The following PRDM15 variants were observed in gnomAD, a reference collection of about 807,000 sequenced individuals.
The protein encoded by PRDM15 is PR/SET domain 15.
Under a neutral mutation model 128.6 loss-of-function variants are expected in PRDM15, and 64 were observed. That is an observed-to-expected ratio of 0.50 (90% confidence interval 0.41 to 0.61). The LOEUF (loss-of-function observed/expected upper bound fraction) is 0.61, where lower values mean the gene tolerates loss of function less well. Among genes scored for constraint, PRDM15 ranks in the 20% least tolerant of loss-of-function variants. The probability of loss-of-function intolerance (pLI) is 0.00; values close to 1 mark genes in which losing one functional copy is unlikely to be tolerated. For missense variants in PRDM15, 1,242 were observed against 1,569.1 expected (o/e 0.79, Z 3.52); for synonymous variants, 615 against 621.8 (o/e 0.99, Z 0.16).
chr21:41,818,571 G>A (rs1044335046), intron 18 of PRDM15, among the ~76,000 whole-genome samples: 1 of 152,196 alleles, frequency 6.6e-6, no homozygotes, highest in African/African-American at 2.4e-5. Flanking sequence ...GGAAAGGAAA[G>A]ACCCCCTTTC....
chr21:41,804,041 T>C (rs897284025), intron 22 of PRDM15, among the ~76,000 whole-genome samples: 18 of 151,646 alleles, frequency 1.2e-4, no homozygotes, highest in African/African-American at 4.4e-4. Context: ...CTCGGCTCAT[T>C]GCAACCTCCG....
In PRDM15 at chr21:41,859,206, C is replaced by G; in HGVS notation, c.131+386G>C. The G allele has an allele frequency of 6.2e-7, 1 of 1,613,928 alleles. No homozygotes were observed. The highest frequency in any genetic ancestry group is 8.5e-7 in the Non-Finnish European group (1 of 1,179,982). On this transcript the variant is annotated intron_variant, in intron 3 of 23. Transcript: ENST00000398548. The surrounding 1 kb of genome is among the most constrained non-coding windows in gnomAD (Gnocchi z 5.3). ...ATCCCCTGCCCCGCCTGGGTGTGCA[C>G]GTGTCCGCTGGCAGGCCAAGACCTG...
chr21:41,806,331 C>T (rs199643495), intron 21 of PRDM15, among the ~76,000 whole-genome samples: 1 of 10,876 alleles, frequency 9.2e-5, no homozygotes, highest in Non-Finnish European at 1.9e-4. Context: ...ACCACCACCA[C>T]CATCACCATC....
At chr21:41,822,832 C>A (rs2062327278) in intron 14 of PRDM15, among the ~76,000 whole-genome samples, 2 of 151,980 alleles carry the variant, frequency 1.3e-5, no homozygotes, top group Admixed American at 1.3e-4. Flanking sequence ...GTCAGGAGTT[C>A]AAGACCAGCC....
intron 2 of PRDM15, 85 bp downstream of exon 2, chr21:41,860,242 T>C (rs534222875): frequency 6.3e-4 from 634 of 1,004,918 alleles, no homozygotes; most frequent in Non-Finnish European, 8.3e-4. Context: ...GACGTGGCTT[T>C]GCCCAGACAG....
At chr21:41,834,527 G>A in intron 11 of PRDM15, 2 of 1,550,332 alleles carry the variant, frequency 1.3e-6, no homozygotes, top group Non-Finnish European at 1.7e-6. Context: ...TAAGCCGACT[G>A]CCGCCGGGCC....
rs1163139266 is a variant in PRDM15, at chr21:41,818,751, G to A, written c.2260+831C>T. ...TGAAACAGCCCAAGACAAACCTGCTGCTCCAAAACTTTTAGGAAGTTGTTT... is the reference window on the plus strand; with the variant it reads ...TGAAACAGCCCAAGACAAACCTGCTACTCCAAAACTTTTAGGAAGTTGTTT... On this transcript the variant is annotated intron_variant, in intron 18 of 23. Transcript: ENST00000398548. Among the ~76,000 whole-genome samples the A allele has an allele frequency of 2.0e-5, 3 of 152,096 alleles. No individual in the cohort carries two copies. In the East Asian group the frequency reaches 5.8e-4, roughly 29 times the overall value.
At chr21:41,871,734 G>A in intron 1 of PRDM15, 1 of 1,217,462 alleles carries the variant, frequency 8.2e-7, no homozygotes, top group Non-Finnish European at 1.1e-6. Context: ...ACCACTGACA[G>A]CCAATCAGCA....
intron 11 of PRDM15, chr21:41,834,604 C>T (rs1045569952): frequency 1.3e-6 from 2 of 1,510,326 alleles, no homozygotes; most frequent in African/African-American, 2.8e-5. Flanking sequence ...TGACTCACCC[C>T]TCTGTGCCCC....
chr21:41,860,083 G>T (rs1222631350), intron 2 of PRDM15, among the ~76,000 whole-genome samples: 1 of 152,178 alleles, frequency 6.6e-6, no homozygotes, highest in Non-Finnish European at 1.5e-5. Context: ...TGAATCAAGT[G>T]CTACCCCCTG....
intron 5 of PRDM15, among the ~76,000 whole-genome samples, chr21:41,850,109 T>C (rs949226808): frequency 6.6e-6 from 1 of 152,230 alleles, no homozygotes; most frequent in Admixed American, 6.5e-5. Flanking sequence ...ATTTTCTCGT[T>C]GGAACCCATG....
chr21:41,848,656 A>G (rs1388271355), intron 5 of PRDM15, among the ~76,000 whole-genome samples: 1 of 152,222 alleles, frequency 6.6e-6, no homozygotes, highest in East Asian at 1.9e-4. Flanking sequence ...GTTAGCTGGA[A>G]GCCACCACTT....
chr21:41,822,746 G>A (rs994837388), intron 14 of PRDM15, among the ~76,000 whole-genome samples: 1 of 152,300 alleles, frequency 6.6e-6, no homozygotes, highest in Admixed American at 6.5e-5. Context: ...TCAAGATTGG[G>A]ATTTGGGGTG....
In PRDM15 at chr21:41,820,996, ATG is replaced by A. The variant is rs545512210; in HGVS notation, c.2060+69_2060+70del. 2.0e-4 allele frequency: 315 copies of A among 1,585,388 alleles called. 4 individuals carry two copies. The South Asian group carries it at 3.4e-3, about 17-fold the overall frequency. On this transcript the variant is annotated intron_variant, in intron 16 of 23. Transcript: ENST00000398548. ...GAAGCTACAAATGGCTCCTTATAGC[ATG>A]TGTCTCTTTGCAAGGAAGCATGTCC...
chr21:41,849,871 G>T (rs2063374648), intron 5 of PRDM15, among the ~76,000 whole-genome samples: 1 of 152,244 alleles, frequency 6.6e-6, no homozygotes, highest in Non-Finnish European at 1.5e-5. Context: ...GGGAGGTAGA[G>T]GTTGCAGTGA....
At chr21:41,845,881 T>G (rs920679274) in intron 6 of PRDM15, among the ~76,000 whole-genome samples, 1 of 152,064 alleles carries the variant, frequency 6.6e-6, no homozygotes, top group Non-Finnish European at 1.5e-5. Flanking sequence ...AGCAGCACCC[T>G]CCCACTGTGA....
At chr21:41,808,461 G>A (rs2061751244) in intron 21 of PRDM15, among the ~76,000 whole-genome samples, 1 of 152,214 alleles carries the variant, frequency 6.6e-6, no homozygotes, top group African/African-American at 2.4e-5. Flanking sequence ...GCAACACGGC[G>A]ACGTCCCGGG....
At chr21:41,818,293 T>C (rs1043836404) in intron 18 of PRDM15, among the ~76,000 whole-genome samples, 2 of 152,240 alleles carry the variant, frequency 1.3e-5, no homozygotes, top group Admixed American at 1.3e-4. Flanking sequence ...AAACCACCTG[T>C]CCCGCTAAGG....
rs527375292 is a variant in PRDM15 at position 41,854,253 on chromosome 21, G to A, written c.538+313C>T. Among the ~76,000 whole-genome samples the A allele has an allele frequency of 7.9e-5, 12 of 152,202 alleles. No individual in the cohort carries two copies. The highest frequency in any genetic ancestry group is 1.3e-4 in the Non-Finnish European group (9 of 67,998). ...GTAGCAGGCCAGGCCATCAAGGTGC[G>A]CGAGAGTGCGCTCTACCATGCACTC... is the stretch of plus-strand genomic sequence containing the variant. On this transcript the variant is annotated intron_variant, in intron 5 of 23. Coordinates refer to ENST00000398548, the MANE Select transcript of PRDM15 (RefSeq NM_001040424.3). This position sits in a 1 kb window ranked among gnomAD's most constrained non-coding sequence, Gnocchi z 4.6.
Sources: allele counts gnomAD v4.1 joint callset (sites outside exome capture counted in the v4.1 genomes callset), GRCh38; gene constraint gnomAD v4.1.1; non-coding constraint Gnocchi (gnomAD v3.1); transcripts MANE v1.5; gene names NCBI Gene and HGNC (gene_info 2026-07-23, HGNC 2026-07-21).